Variants in ETV5 observed in about 807,000 individuals in gnomAD.
The protein encoded by ETV5 is ETS translocation variant 5.
Under a neutral mutation model 70.0 loss-of-function variants are expected in ETV5, and 10 were observed. The observed-to-expected ratio is 0.14, with a 90% CI of 0.09 to 0.24. ETV5 has a LOEUF of 0.24. Among genes scored for constraint, ETV5 ranks in the 10% least tolerant of loss-of-function variants. ETV5 has a pLI of 1.00. For missense variants in ETV5, 453 were observed against 651.2 expected (o/e 0.70, Z 3.31); for synonymous variants, 216 against 242.2 (o/e 0.89, Z 1.01).
chr3:186,050,406 C>T (rs1578534287), intron 12 of ETV5, among the ~76,000 whole-genome samples: 1 of 152,264 alleles, frequency 6.6e-6, no homozygotes, highest in Non-Finnish European at 1.5e-5. Flanking sequence ...GGTTGCATCT[C>T]CCCATGCTGG....
In ETV5 at chr3:186,046,367, G is replaced by T. The variant is rs1270790345; in HGVS notation, c.*2272C>A. 2 of 223,426 alleles carry T rather than the reference G, an allele frequency of 9.0e-6. No individual in the cohort carries two copies. Among genetic ancestry groups the T allele is most frequent in the Non-Finnish European group, 1.8e-5 (2 of 111,808 alleles). The allele number at this position is 223,426 out of a possible 1,614,324, so 13.8% of individuals were successfully genotyped here. On this transcript the variant is annotated 3_prime_UTR_variant, in exon 13 of 13. Coordinates refer to ENST00000306376, the MANE Select transcript of ETV5 (RefSeq NM_004454.3). ...TATTGTACACAGTACAGAATATAACGCAGCTTGGCAGGATGCATACGGCCC... is the reference window on the plus strand; with the variant it reads ...TATTGTACACAGTACAGAATATAACTCAGCTTGGCAGGATGCATACGGCCC...
At chr3:186,089,572 T>C (rs1288883815) in intron 5 of ETV5, among the ~76,000 whole-genome samples, 1 of 152,192 alleles carries the variant, frequency 6.6e-6, no homozygotes, top group Non-Finnish European at 1.5e-5. Context: ...TCAACACAAA[T>C]ACATAAATGT....
intron 7 of ETV5, among the ~76,000 whole-genome samples, chr3:186,069,548 A>G (rs904979846): frequency 1.3e-5 from 2 of 152,008 alleles, no homozygotes; most frequent in African/African-American, 4.8e-5. Flanking sequence ...AGACTTAAAA[A>G]AAAGTCTTGC....
rs1380209628 is a variant in ETV5 at position 186,048,472 on chromosome 3, A to G, written c.*167T>C. On this transcript the variant is annotated 3_prime_UTR_variant, in exon 13 of 13. Transcript: ENST00000306376. ...CCTCCCTGTTCCCACTCCCCAGCCA[A>G]TGTATCTGTCTTTAAGGGTGCCAAT... is the stretch of plus-strand genomic sequence containing the variant. 16 of 631,574 alleles carry G rather than the reference A, an allele frequency of 2.5e-5. No individual in the cohort carries two copies. Among genetic ancestry groups the G allele is most frequent in the Middle Eastern group, 4.2e-4 (1 of 2,364 alleles). 39.1% of individuals were successfully genotyped at this position (631,574 alleles called of 1,614,324 possible).
chr3:186,051,392 T>A lies in ETV5; in HGVS notation c.1311+638A>T, dbSNP rs1177539646. Among the ~76,000 whole-genome samples, 4 of 152,252 alleles carry A rather than the reference T, an allele frequency of 2.6e-5. No homozygotes were observed. In the East Asian group the frequency reaches 7.7e-4, roughly 29 times the overall value. ...ACTTGCCATTCCCATCTTCTACTTA[T>A]CCATGGGATGTTAAGACTGTGGCCC... On this transcript the variant is annotated intron_variant, in intron 12 of 12. Transcript: ENST00000306376.
chr3:186,064,580 C>T, intron 8 of ETV5, 104 bp from the exon 9 acceptor site: 1 of 1,115,510 alleles, frequency 9.0e-7, no homozygotes, highest in South Asian at 1.2e-5. Context: ...AAACTTCCTG[C>T]TCTGGGGTCA....
intron 7 of ETV5, among the ~76,000 whole-genome samples, chr3:186,069,490 G>A (rs1713541582): frequency 6.7e-6 from 1 of 150,322 alleles, no homozygotes; most frequent in African/African-American, 2.5e-5. Flanking sequence ...TCAGAAAAGA[G>A]AGACGAAGTT....
At chr3:186,092,907 A>G (rs1343219473) in intron 5 of ETV5, among the ~76,000 whole-genome samples, 2 of 152,294 alleles carry the variant, frequency 1.3e-5, no homozygotes, top group African/African-American at 2.4e-5. Flanking sequence ...GACACATATC[A>G]TGTACTGGGC....
intron 5 of ETV5, among the ~76,000 whole-genome samples, chr3:186,092,882 A>G (rs1211713379): frequency 6.6e-6 from 1 of 152,158 alleles, no homozygotes; most frequent in Non-Finnish European, 1.5e-5. Flanking sequence ...CGATAGCAAC[A>G]TGGGTCTAGG....
At position 186,105,965 on chromosome 3, in the gene ETV5, T is replaced by A. The variant is rs1449578305; in HGVS notation, c.-74-23A>T. The stretch of plus-strand genomic sequence containing the variant: ...CTCCTGTAATATGAATTTGGGAGAT[T>A]TTAACTAAGAGGGGGGAAAAAAAGA... On this transcript the variant is annotated intron_variant, in intron 1 of 12. Transcript: ENST00000306376. This position sits in a 1 kb window ranked among gnomAD's most constrained non-coding sequence, Gnocchi z 4.5. 6.7e-7 allele frequency: 1 copy of A among 1,497,616 alleles called. No homozygotes were observed. Among genetic ancestry groups the A allele is most frequent in the South Asian group, 1.2e-5 (1 of 81,672 alleles). 92.8% of individuals were successfully genotyped at this position (1,497,616 alleles called of 1,614,324 possible).
At chr3:186,072,349 G>C (rs1034536274) in intron 7 of ETV5, among the ~76,000 whole-genome samples, 20 of 150,830 alleles carry the variant, frequency 1.3e-4, no homozygotes, top group Non-Finnish European at 1.5e-5. Flanking sequence ...TCCAGCCTGG[G>C]TGACAGAGTG....
chr3:186,106,907 TA>T, intron 1 of ETV5: 1 of 979,034 alleles, frequency 1.0e-6, no homozygotes, highest in East Asian at 1.1e-4. Flanking sequence ...AAAACACCGT[TA>T]AGTCAACAAA....
At chr3:186,097,765 G>A (rs1714339165) in intron 5 of ETV5, among the ~76,000 whole-genome samples, 1 of 152,226 alleles carries the variant, frequency 6.6e-6, no homozygotes, top group Admixed American at 6.5e-5. Flanking sequence ...ACAGGGAGCA[G>A]CAGGGAAGCC....
chr3:186,101,412 T>TAAA (rs1714455593), intron 5 of ETV5, among the ~76,000 whole-genome samples: 1 of 152,210 alleles, frequency 6.6e-6, no homozygotes, highest in African/African-American at 2.4e-5. Context: ...CTTGGCCTCC[T>TAAA]AAAGCACTGA....
chr3:186,078,890 A>G (rs1713862410), intron 7 of ETV5: 1 of 252,886 alleles, frequency 4.0e-6, no homozygotes, highest in African/African-American at 2.2e-5. Context: ...ATCTAGAAAT[A>G]AAATGACCTC....
At chr3:186,086,080 G>C (rs1413073509) in intron 5 of ETV5, among the ~76,000 whole-genome samples, 1 of 152,180 alleles carries the variant, frequency 6.6e-6, no homozygotes, top group Admixed American at 6.5e-5. Flanking sequence ...GGAAGATCTT[G>C]CGTGAGCTGT....
At chr3:186,075,049 T>G (rs1442827015) in intron 7 of ETV5, among the ~76,000 whole-genome samples, 1 of 152,080 alleles carries the variant, frequency 6.6e-6, no homozygotes, top group Non-Finnish European at 1.5e-5. Flanking sequence ...AAACTTTCAG[T>G]AAACTGGGGA....
chr3:186,063,251 C>A (rs1713353163), intron 9 of ETV5, among the ~76,000 whole-genome samples: 1 of 152,152 alleles, frequency 6.6e-6, no homozygotes, highest in African/African-American at 2.4e-5. Context: ...GCCTGGGCAA[C>A]AGAGCGAGAC....
rs1403388005 is a variant in ETV5, at chr3:186,048,030, GA to G, written c.*608del. On this transcript the variant is annotated 3_prime_UTR_variant, in exon 13 of 13. Coordinates refer to ENST00000306376, the MANE Select transcript of ETV5 (RefSeq NM_004454.3). ...GACCACATGGCCGGGTGGTTCCCAA[GA>G]GTAGCCATGGTTTATGATTTTGAGA... 2 of 233,372 alleles carry G rather than the reference GA, an allele frequency of 8.6e-6. No homozygotes were observed. The highest frequency in any genetic ancestry group is 1.1e-4 in the Admixed American group (2 of 17,770). 14.5% of individuals were successfully genotyped at this position (233,372 alleles called of 1,614,324 possible).
Sources: allele counts gnomAD v4.1 joint callset (sites outside exome capture counted in the v4.1 genomes callset), GRCh38; gene constraint gnomAD v4.1.1; non-coding constraint Gnocchi (gnomAD v3.1); transcripts MANE v1.5; gene names NCBI Gene and HGNC (gene_info 2026-07-23, HGNC 2026-07-21).